The following RAB38 variants were observed in gnomAD, a reference collection of about 807,000 sequenced individuals.
RAB38 encodes the protein ras-related protein Rab-38.
Under a neutral mutation model 18.4 loss-of-function variants are expected in RAB38, and 15 were observed. The ratio of observed to expected loss-of-function variants is 0.82; its 90% CI spans 0.55 to 1.26. The LOEUF (loss-of-function observed/expected upper bound fraction) is 1.26. Among genes scored for constraint, RAB38 ranks in the 50% most tolerant of loss-of-function variants. The pLI is 0.00. For missense variants in RAB38, 294 were observed against 267.4 expected (o/e 1.10, Z -0.69); for synonymous variants, 101 against 104.4 (o/e 0.97, Z 0.20).
At chr11:88,174,146 C>G in intron 1 of RAB38, 1 of 930,458 alleles carries the variant, frequency 1.1e-6, no homozygotes, top group Non-Finnish European at 1.3e-6. Flanking sequence ...CCTTGCCCAA[C>G]TCCTTTCCAC....
chr11:88,136,303 T>C (rs559676665), intron 2 of RAB38, among the ~76,000 whole-genome samples: 3 of 152,172 alleles, frequency 2.0e-5, no homozygotes, highest in Admixed American at 2.0e-4. Flanking sequence ...GTGAAGTAGA[T>C]GGAGATGAAA....
chr11:88,088,993 T>C, the RAB38 span, among the ~76,000 whole-genome samples: 2 of 151,888 alleles, frequency 1.3e-5, no homozygotes, highest in South Asian at 4.1e-4. Context: ...TAATCCTTCT[T>C]ATAGAGAAAA....
chr11:88,042,878 C>T, the RAB38 span, among the ~76,000 whole-genome samples: 2 of 152,124 alleles, frequency 1.3e-5, no homozygotes, highest in South Asian at 2.1e-4. Context: ...GGCTCATAGG[C>T]TGAGAACAGA....
the RAB38 span, among the ~76,000 whole-genome samples, chr11:88,058,897 T>C: frequency 6.6e-6 from 1 of 152,202 alleles, no homozygotes; most frequent in Non-Finnish European, 1.5e-5. Flanking sequence ...ATGTGGCCAC[T>C]CACCTGCAGA....
chr11:88,011,026 A>G, the RAB38 span, among the ~76,000 whole-genome samples: 2 of 152,298 alleles, frequency 1.3e-5, no homozygotes, highest in South Asian at 4.1e-4. Context: ...TTTATTTATT[A>G]AGAAAAAAGT....
the RAB38 span, among the ~76,000 whole-genome samples, chr11:87,823,679 A>T: frequency 6.6e-6 from 1 of 152,202 alleles, no homozygotes. Flanking sequence ...TTTTTCAACA[A>T]ATGGAACGCA....
chr11:88,013,265 A>T, the RAB38 span, among the ~76,000 whole-genome samples: 2 of 152,156 alleles, frequency 1.3e-5, no homozygotes, highest in African/African-American at 4.8e-5. Context: ...AACAGCCTTG[A>T]TATTAATTGT....
At chr11:87,827,027 C>G in the RAB38 span, among the ~76,000 whole-genome samples, 1 of 152,086 alleles carries the variant, frequency 6.6e-6, no homozygotes. Flanking sequence ...AGGGATTTGG[C>G]TGAAAAGTTT....
chr11:88,106,591 G>A, the RAB38 span, among the ~76,000 whole-genome samples: 1 of 152,022 alleles, frequency 6.6e-6, no homozygotes, highest in Non-Finnish European at 1.5e-5. Context: ...CTGCATTTAG[G>A]TATATACTGC....
the RAB38 span, among the ~76,000 whole-genome samples, chr11:87,863,555 A>T: frequency 2.1e-4 from 30 of 141,048 alleles, no homozygotes; most frequent in Admixed American, 4.9e-4. Context: ...GAAAACAGAA[A>T]CAGAAGGCAG....
At chr11:87,902,790 T>G in the RAB38 span, among the ~76,000 whole-genome samples, 1 of 151,202 alleles carries the variant, frequency 6.6e-6, no homozygotes, top group South Asian at 2.1e-4. Flanking sequence ...AAATGATATT[T>G]TAAAAATTTT....
chr11:87,836,312 C>T, the RAB38 span, among the ~76,000 whole-genome samples: 2 of 152,240 alleles, frequency 1.3e-5, no homozygotes, highest in African/African-American at 4.8e-5. Flanking sequence ...TCTCTTTAAT[C>T]TGTCCTTTCT....
At chr11:88,019,160 T>C in the RAB38 span, among the ~76,000 whole-genome samples, 4 of 152,154 alleles carry the variant, frequency 2.6e-5, no homozygotes, top group African/African-American at 7.2e-5. Context: ...AAATACACCT[T>C]CACTTGGATG....
chr11:87,924,993 C>G, the RAB38 span, among the ~76,000 whole-genome samples: 58 of 152,080 alleles, frequency 3.8e-4, no homozygotes, highest in Admixed American at 3.4e-3. Flanking sequence ...AGCATGTGCA[C>G]ACTAGGTAAA....
intron 1 of RAB38, among the ~76,000 whole-genome samples, chr11:88,157,193 T>C: frequency 6.6e-6 from 1 of 152,200 alleles, no homozygotes; most frequent in East Asian, 1.9e-4. Flanking sequence ...CAGGTTGTCA[T>C]TCCTACGTCA....
chr11:87,847,986 T>C, the RAB38 span, among the ~76,000 whole-genome samples: 1 of 152,180 alleles, frequency 6.6e-6, no homozygotes, highest in South Asian at 2.1e-4. Flanking sequence ...CATCAAGGTA[T>C]ACAATGAAAG....
At chr11:88,139,299 C>T (rs1016441259) in intron 2 of RAB38, among the ~76,000 whole-genome samples, 2 of 152,236 alleles carry the variant, frequency 1.3e-5, no homozygotes, top group African/African-American at 4.8e-5. Flanking sequence ...AAAAGGAGTT[C>T]TCAGTGCTTC....
chr11:88,112,930 G>A (rs1243545458), downstream of RAB38, among the ~76,000 whole-genome samples: 2 of 152,086 alleles, frequency 1.3e-5, no homozygotes, highest in African/African-American at 4.8e-5. Flanking sequence ...GTGTCACAAT[G>A]CATATTTTAT....
intron 2 of RAB38, among the ~76,000 whole-genome samples, chr11:88,128,174 A>G (rs148917013): frequency 3.9e-5 from 6 of 152,292 alleles, no homozygotes; most frequent in Non-Finnish European, 7.4e-5. Context: ...GCTACAAACT[A>G]TCTTGGTCAC....
Sources: gnomAD v4.1 joint callset for allele counts (sites outside exome capture counted in the v4.1 genomes callset) on GRCh38, gnomAD v4.1.1 for gene constraint, MANE v1.5 for transcripts, NCBI Gene and HGNC (gene_info 2026-07-23, HGNC 2026-07-21) for gene names.